The following MYO10 variants were observed in gnomAD, a reference collection of about 807,000 sequenced individuals.
MYO10 encodes the protein unconventional myosin-X.
MYO10 carries 133 observed loss-of-function variants against 257.3 expected under a neutral mutation model. The observed-to-expected ratio is 0.52, with a 90% CI of 0.45 to 0.60. The LOEUF (loss-of-function observed/expected upper bound fraction) is 0.60. Among genes scored for constraint, MYO10 ranks in the 20% least tolerant of loss-of-function variants. MYO10 has a pLI of 0.00. For synonymous variants in MYO10, 1,104 were observed against 1,028.6 expected (o/e 1.07, Z -1.40); for missense variants, 2,399 against 2,635.7 (o/e 0.91, Z 1.97).
In MYO10 at chr5:16,841,338, G is replaced by A. The variant is rs138501909; in HGVS notation, c.121-23171C>T. 9.2e-4 allele frequency among the ~76,000 whole-genome samples: 140 copies of A among 152,096 alleles called. 1 individual carries two copies. The highest frequency in any genetic ancestry group is 3.3e-3 in the African/African-American group (139 of 41,508). The stretch of plus-strand genomic sequence containing the variant: ...ACAATTATTTTGTGAGTTGAACTAC[G>A]CCCATTAAAAGTTCTGTACAAAAGG... On this transcript the variant is annotated intron_variant, in intron 2 of 40. Transcript: ENST00000513610.
intron 21 of MYO10, 167 bp downstream of exon 21, chr5:16,710,741 T>C (rs560182783): frequency 1.3e-5 from 8 of 617,808 alleles, no homozygotes; most frequent in South Asian, 2.0e-5. Flanking sequence ...TCAAATAAAA[T>C]AGTAACTGTT....
chr5:16,892,573 G>C (rs1369781854), intron 1 of MYO10, among the ~76,000 whole-genome samples: 1 of 152,190 alleles, frequency 6.6e-6, no homozygotes, highest in Non-Finnish European at 1.5e-5. Context: ...AACCAAGGAG[G>C]CGGAAGTTAC....
chr5:16,882,525 A>C lies in MYO10; in HGVS notation c.22-4818T>G, dbSNP rs536983288. Among the ~76,000 whole-genome samples the C allele has an allele frequency of 3.3e-5, 5 of 152,316 alleles. No individual in the cohort carries two copies. The South Asian group carries it at 1.0e-3, about 32-fold the overall frequency. On this transcript the variant is annotated intron_variant, in intron 1 of 40. Coordinates refer to ENST00000513610, the MANE Select transcript of MYO10 (RefSeq NM_012334.3). ...TTCAAAGGTCTAGTAACTGGTATAGAGATACTCAGAATAAATCCATACAAT... is the reference window on the plus strand; with the variant it reads ...TTCAAAGGTCTAGTAACTGGTATAGCGATACTCAGAATAAATCCATACAAT...
intron 19 of MYO10, among the ~76,000 whole-genome samples, chr5:16,724,046 A>G (rs544600119): frequency 6.6e-6 from 1 of 152,344 alleles, no homozygotes; most frequent in African/African-American, 2.4e-5. Flanking sequence ...TGCATTTGTC[A>G]AAACTCGCGG....
In MYO10 at chr5:16,709,535, C is replaced by T. The variant is rs1257967829; in HGVS notation, c.2169+1373G>A. Reference sequence around the variant, plus strand: ...GGCTTCTAGGAGCTGCGAGTGGTTCCCAGCCAACAACTAGAAAGAAAACAG... The same window carrying T: ...GGCTTCTAGGAGCTGCGAGTGGTTCTCAGCCAACAACTAGAAAGAAAACAG... On this transcript the variant is annotated intron_variant, in intron 21 of 40. Coordinates refer to ENST00000513610, the MANE Select transcript of MYO10 (RefSeq NM_012334.3). 4.6e-5 allele frequency among the ~76,000 whole-genome samples: 7 copies of T among 152,070 alleles called. No homozygotes were observed. The South Asian group carries it at 6.2e-4, about 14-fold the overall frequency.
chr5:16,838,038 G>GT (rs1743365751), intron 2 of MYO10, among the ~76,000 whole-genome samples: 1 of 152,192 alleles, frequency 6.6e-6, no homozygotes, highest in Non-Finnish European at 1.5e-5. Flanking sequence ...CCGACCAGCT[G>GT]TTCCCTGTCT....
At chr5:16,862,749 G>A (rs1744142099) in intron 2 of MYO10, among the ~76,000 whole-genome samples, 1 of 152,162 alleles carries the variant, frequency 6.6e-6, no homozygotes, top group Admixed American at 6.5e-5. Flanking sequence ...ATACAAGACA[G>A]TAGCCCACTT....
chr5:16,747,047 G>T (rs1162905763), intron 19 of MYO10, among the ~76,000 whole-genome samples: 3 of 152,174 alleles, frequency 2.0e-5, no homozygotes, highest in Non-Finnish European at 2.9e-5. Context: ...TGGAGATGGG[G>T]ATATTTGTAT....
chr5:16,766,714 C>T (rs201177936), intron 10 of MYO10, among the ~76,000 whole-genome samples: 1 of 151,874 alleles, frequency 6.6e-6, no homozygotes, highest in East Asian at 1.9e-4. Flanking sequence ...ATCTACCCGC[C>T]TTGGCCTCCC....
At chr5:16,916,298 G>C (rs1054341128) in intron 1 of MYO10, 43 of 351,298 alleles carry the variant, frequency 1.2e-4, no homozygotes, top group Non-Finnish European at 2.8e-5. Flanking sequence ...TCGGAGTTCT[G>C]AGGAGTCTTT....
Position 16,762,545 on chromosome 5 carries a change from C to T in MYO10, c.1587G>A (p.Ala529=), listed in dbSNP as rs750315039. The change falls in exon 15 of 41, where the codon GCG becomes GCA. Residue 529 remains alanine (A), a splice_region_variant and synonymous_variant. Coordinates refer to ENST00000513610, the MANE Select transcript of MYO10 (RefSeq NM_012334.3). ...TGAAGAATTGCAGGTTTTGACATAC[C>T]GCATGCTGACTGTGTAGCTTCTCCA... ...TLLEKLHSQH[A]NNHFYVKPRV... 4.2e-5 allele frequency: 68 copies of T among 1,600,718 alleles called. No individual in the cohort carries two copies. Among genetic ancestry groups the T allele is most frequent in the Middle Eastern group, 1.6e-4 (1 of 6,070 alleles).
chr5:16,794,745 C>T lies in MYO10; in HGVS notation c.368G>A (p.Arg123Gln), dbSNP rs769363562. Residue 123 changes from arginine (R) to glutamine (Q), a missense_variant, in exon 4 of 41, where the codon CGG becomes CAG. Transcript: ENST00000513610. ...YEPATMEQYS[R>Q]RHLGELPPHI... ...CGGGGGCAGCTCGCCCAGGTGGCGCCGGCTGTACTGCTCCATGGTGGCAGG... is the reference window on the plus strand; with the variant it reads ...CGGGGGCAGCTCGCCCAGGTGGCGCTGGCTGTACTGCTCCATGGTGGCAGG... 1.9e-5 allele frequency: 31 copies of T among 1,612,412 alleles called. No individual in the cohort carries two copies. The Admixed American group carries it at 2.0e-4, about 10-fold the overall frequency.
chr5:16,881,887 T>C (rs1744763488), intron 1 of MYO10, among the ~76,000 whole-genome samples: 1 of 152,216 alleles, frequency 6.6e-6, no homozygotes, highest in South Asian at 2.1e-4. Flanking sequence ...TCAGTCATTG[T>C]TAAATAAGGC....
intron 2 of MYO10, among the ~76,000 whole-genome samples, chr5:16,824,896 A>G (rs529728113): frequency 9.2e-5 from 14 of 152,242 alleles, no homozygotes; most frequent in Non-Finnish European, 1.6e-4. Context: ...AAACAAAAAA[A>G]CTTTCAAAAA....
intron 19 of MYO10, among the ~76,000 whole-genome samples, chr5:16,749,010 C>T (rs1740301275): frequency 1.3e-5 from 2 of 152,104 alleles, no homozygotes; most frequent in African/African-American, 4.8e-5. Flanking sequence ...GATGGGGCTC[C>T]AAGATCGACA....
chr5:16,925,728 C>T (rs1025503094), intron 1 of MYO10, among the ~76,000 whole-genome samples: 2 of 152,130 alleles, frequency 1.3e-5, no homozygotes, highest in African/African-American at 4.8e-5. Flanking sequence ...TTCTTTATAA[C>T]ATACACAGCA....
chr5:16,778,529 T>C (rs1262903877), intron 9 of MYO10, among the ~76,000 whole-genome samples: 1 of 151,900 alleles, frequency 6.6e-6, no homozygotes, highest in East Asian at 1.9e-4. Context: ...CATCCCACAG[T>C]GAACTGGAGC....
chr5:16,891,248 T>C (rs1196018897), intron 1 of MYO10, among the ~76,000 whole-genome samples: 2 of 151,186 alleles, frequency 1.3e-5, no homozygotes, highest in African/African-American at 4.9e-5. Context: ...GAAGTCAAGA[T>C]TGTGCCATTG....
At chr5:16,734,244 G>A (rs1416452787) in intron 19 of MYO10, among the ~76,000 whole-genome samples, 1 of 152,026 alleles carries the variant, frequency 6.6e-6, no homozygotes, top group African/African-American at 2.4e-5. Context: ...TTCCTTCAGC[G>A]ATCCAATTTG....
Sources: gnomAD v4.1 joint callset for allele counts (sites outside exome capture counted in the v4.1 genomes callset) on GRCh38, gnomAD v4.1.1 for gene constraint, MANE v1.5 for transcripts, NCBI Gene and HGNC (gene_info 2026-07-23, HGNC 2026-07-21) for gene names.